The following MSANTD5 variants were observed in gnomAD, a reference collection of about 807,000 sequenced individuals.
MSANTD5 encodes the protein Myb/SANT DNA binding domain containing 5.
At chr5:178,707,132 T>C in the MSANTD5 span, 3 of 152,170 alleles carry the variant, frequency 2.0e-5, no homozygotes, top group Admixed American at 6.5e-5. Context: ...GCCGTTTGCA[T>C]GTTGTAGTTG....
At chr5:178,692,948 G>A (rs1349610353), downstream of MSANTD5, among the ~76,000 whole-genome samples, 1 of 151,898 alleles carries the variant, frequency 6.6e-6, no homozygotes, top group African/African-American at 2.4e-5. Context: ...TCTCTCTAGA[G>A]TCCCTCTGTA....
downstream of MSANTD5, among the ~76,000 whole-genome samples, chr5:178,692,649 C>A (rs1765368808): frequency 6.6e-6 from 1 of 152,040 alleles, no homozygotes; most frequent in East Asian, 1.9e-4. Flanking sequence ...CTGGAGGAAT[C>A]TCTAATGAGT....
downstream of MSANTD5, among the ~76,000 whole-genome samples, chr5:178,694,013 A>T (rs1479473868): frequency 1.3e-5 from 2 of 152,030 alleles, no homozygotes; most frequent in African/African-American, 2.4e-5. Context: ...CTGGAGGCTC[A>T]GAAACATGAA....
At chr5:178,703,959 G>A in the MSANTD5 span, among the ~76,000 whole-genome samples, 2 of 149,256 alleles carry the variant, frequency 1.3e-5, no homozygotes, top group East Asian at 2.0e-4. Flanking sequence ...CCAGCCTGGG[G>A]GACAGAGCAA....
chr5:178,705,191 G>C, the MSANTD5 span, among the ~76,000 whole-genome samples: 1 of 152,130 alleles, frequency 6.6e-6, no homozygotes, highest in African/African-American at 2.4e-5. Flanking sequence ...TGGATTACAG[G>C]CATGCGCAAG....
At chr5:178,703,653 TGA>T in the MSANTD5 span, among the ~76,000 whole-genome samples, 2 of 151,950 alleles carry the variant, frequency 1.3e-5, no homozygotes, top group Non-Finnish European at 2.9e-5. Context: ...AAAATAGCTA[TGA>T]GAGAGTAATT....
chr5:178,696,908 C>T (rs545778149), intron 1 of MSANTD5, among the ~76,000 whole-genome samples: 19 of 152,084 alleles, frequency 1.2e-4, no homozygotes, highest in African/African-American at 3.9e-4. Flanking sequence ...GAAAACACCG[C>T]GAGAAAGGAG....
chr5:178,695,818 G>A (rs1409708469), intron 2 of MSANTD5, among the ~76,000 whole-genome samples: 1 of 152,188 alleles, frequency 6.6e-6, no homozygotes, highest in African/African-American at 2.4e-5. Flanking sequence ...CCTGGGTCTT[G>A]CTCAAGTTCC....
At chr5:178,705,106 T>A in the MSANTD5 span, among the ~76,000 whole-genome samples, 5,411 of 152,098 alleles carry the variant, frequency 0.036, 129 homozygotes, top group African/African-American at 0.065. Flanking sequence ...TGGAGTGCAG[T>A]GGCACAATCT....
chr5:178,699,434 C>CTT (rs36114750), upstream of MSANTD5, among the ~76,000 whole-genome samples: 97,112 of 148,574 alleles, frequency 0.65, 33,300 homozygotes, highest in East Asian at 0.76. Context: ...TTCTTTCCTT[C>CTT]TTTTTTTTTT....
At chr5:178,704,303 G>A in the MSANTD5 span, among the ~76,000 whole-genome samples, 1 of 152,192 alleles carries the variant, frequency 6.6e-6, no homozygotes, top group African/African-American at 2.4e-5. Flanking sequence ...GTGAGGGGAT[G>A]AGGCCCCCGG....
chr5:178,705,529 T>A, the MSANTD5 span, among the ~76,000 whole-genome samples: 1 of 152,200 alleles, frequency 6.6e-6, no homozygotes, highest in East Asian at 1.9e-4. Context: ...GGGACTTTGA[T>A]GGCATCAGCC....
chr5:178,699,580 T>C (rs1267197567), upstream of MSANTD5, among the ~76,000 whole-genome samples: 5 of 152,136 alleles, frequency 3.3e-5, no homozygotes, highest in African/African-American at 1.2e-4. Context: ...CCTGGCTTAT[T>C]TTCATATTTC....
At chr5:178,699,218 T>C (rs1388932151), upstream of MSANTD5, among the ~76,000 whole-genome samples, 1 of 152,140 alleles carries the variant, frequency 6.6e-6, no homozygotes, top group Non-Finnish European at 1.5e-5. Flanking sequence ...TTTAGGCACC[T>C]CAGCCCTGCA....
upstream of MSANTD5, among the ~76,000 whole-genome samples, chr5:178,702,072 C>T (rs1765491333): frequency 6.7e-6 from 1 of 149,244 alleles, no homozygotes; most frequent in Non-Finnish European, 1.5e-5. Flanking sequence ...AAGAACTTCC[C>T]TGGATTAACT....
At chr5:178,696,738 G>A (rs1765417018) in intron 1 of MSANTD5, among the ~76,000 whole-genome samples, 1 of 151,958 alleles carries the variant, frequency 6.6e-6, no homozygotes, top group Admixed American at 6.6e-5. Context: ...TTGAGAACTT[G>A]GGGAGAGTCT....
chr5:178,696,684 G>C lies in MSANTD5; in HGVS notation c.7-503C>G, dbSNP rs570689235. Among the ~76,000 whole-genome samples, 5 of 152,184 alleles carry C rather than the reference G, an allele frequency of 3.3e-5. No homozygotes were observed. In the South Asian group the frequency reaches 1.0e-3, roughly 32 times the overall value. On this transcript the variant is annotated intron_variant, in intron 1 of 3. Coordinates refer to ENST00000648368, the Ensembl canonical transcript of MSANTD5. ...AAACCCGCACGGAATTTCCAGGCTG[G>C]GAGCAGGGAGAGGGAAATCAAGCAG...
chr5:178,697,251 G>A (rs553780229), intron 1 of MSANTD5, among the ~76,000 whole-genome samples: 17 of 150,390 alleles, frequency 1.1e-4, no homozygotes, highest in Non-Finnish European at 7.4e-5. Context: ...TCAGGAGATC[G>A]AGACCATCCT....
chr5:178,702,749 G>A, the MSANTD5 span, among the ~76,000 whole-genome samples: 6 of 149,274 alleles, frequency 4.0e-5, no homozygotes, highest in African/African-American at 1.5e-4. Flanking sequence ...AGGTGCTTGC[G>A]ACCACGCCCG....
Sources: allele counts gnomAD v4.1 joint callset (sites outside exome capture counted in the v4.1 genomes callset), GRCh38; gene constraint gnomAD v4.1.1; transcripts MANE v1.5; gene names NCBI Gene and HGNC (gene_info 2026-07-23, HGNC 2026-07-21).